Variants in ADGRL2 observed in about 807,000 individuals in gnomAD.
The protein encoded by ADGRL2 is adhesion G protein-coupled receptor L2.
In ADGRL2, 44 loss-of-function variants were observed where a neutral mutation model predicts 157.4. That is an observed-to-expected ratio of 0.28 (90% CI 0.22 to 0.36). The LOEUF is 0.36. ADGRL2 is among the 10% of genes least tolerant of loss of function. The probability of loss-of-function intolerance (pLI) is 1.00; values close to 1 mark genes in which losing one functional copy is unlikely to be tolerated. For missense variants in ADGRL2, 1,510 were observed against 1,768.9 expected, an observed-to-expected ratio of 0.85 and a Z score of 2.63; for synonymous variants, 585 against 624.7, an observed-to-expected ratio of 0.94 and a Z score of 0.95.
intron 1 of ADGRL2, among the ~76,000 whole-genome samples, chr1:81,433,168 AT>A (rs1382954807): frequency 4.6e-5 from 7 of 152,118 alleles, no homozygotes; most frequent in Non-Finnish European, 8.8e-5. Flanking sequence ...TGTTACAATT[AT>A]TTGCTCTTAA....
At chr1:81,836,746 G>A (rs1232448175) in intron 1 of ADGRL2, 139 bp from the exon 2 acceptor site, 6 of 388,830 alleles carry the variant, frequency 1.5e-5, no homozygotes, top group Non-Finnish European at 2.3e-5. Flanking sequence ...GATATCCAGT[G>A]TATAGGAGCA....
chr1:81,891,440 C>T (rs2094261613), intron 2 of ADGRL2, among the ~76,000 whole-genome samples: 1 of 152,064 alleles, frequency 6.6e-6, no homozygotes, highest in Non-Finnish European at 1.5e-5. Context: ...TGTACCGCCT[C>T]ATAATTTCAG....
At chr1:81,404,135 A>G (rs2076812573) in intron 1 of ADGRL2, among the ~76,000 whole-genome samples, 1 of 152,244 alleles carries the variant, frequency 6.6e-6, no homozygotes, top group African/African-American at 2.4e-5. Flanking sequence ...ACAGTTTCTT[A>G]CTTGGTAGTT....
chr1:81,517,575 T>A (rs1330093385), intron 2 of ADGRL2, among the ~76,000 whole-genome samples: 3 of 151,672 alleles, frequency 2.0e-5, no homozygotes, highest in Non-Finnish European at 2.9e-5. Context: ...TTTTGTCCAC[T>A]GCTTTAGCCC....
intron 1 of ADGRL2, among the ~76,000 whole-genome samples, chr1:81,725,583 CT>C (rs1433851217): frequency 2.6e-5 from 4 of 151,840 alleles, no homozygotes; most frequent in African/African-American, 9.7e-5. Flanking sequence ...TGCATTTGAG[CT>C]TGTGTGTTAT....
intron 19 of ADGRL2, 176 bp from the exon 20 acceptor site, chr1:81,984,407 A>T (rs1388730504): frequency 3.6e-6 from 2 of 556,198 alleles, no homozygotes; most frequent in Non-Finnish European, 6.2e-6. Context: ...TACTTTTCTG[A>T]TTACTATTTC....
intron 4 of ADGRL2, among the ~76,000 whole-genome samples, chr1:81,938,842 T>C (rs1235300932): frequency 1.3e-5 from 2 of 151,620 alleles, no homozygotes; most frequent in African/African-American, 4.8e-5. Flanking sequence ...TTTCCTCACC[T>C]TTTGTTTCTT....
At chr1:81,504,554 G>A (rs2078927557) in intron 2 of ADGRL2, among the ~76,000 whole-genome samples, 2 of 151,890 alleles carry the variant, frequency 1.3e-5, no homozygotes, top group Non-Finnish European at 2.9e-5. Flanking sequence ...CACCCCCAAA[G>A]CCAAGCAAGT....
Position 81,596,722 on chromosome 1 carries a change from G to A in ADGRL2, c.-143+15742G>A, listed in dbSNP as rs535318697. Among the ~76,000 whole-genome samples, 410 of 151,824 alleles carry A rather than the reference G, an allele frequency of 2.7e-3. 3 individuals are homozygous for A. Among genetic ancestry groups the A allele is most frequent in the Middle Eastern group, 0.01 (3 of 294 alleles). On this transcript the variant is annotated intron_variant, in intron 3 of 24. Transcript: ENST00000370721. ...GTTTTCTGAGTGAGGTGATTAAAAT[G>A]TATCAAGCAACAGAAACTTTTGGCA... is the stretch of plus-strand genomic sequence containing the variant.
At chr1:81,743,093 A>T (rs950989232) in intron 1 of ADGRL2, among the ~76,000 whole-genome samples, 2 of 152,058 alleles carry the variant, frequency 1.3e-5, no homozygotes, top group Non-Finnish European at 2.9e-5. Flanking sequence ...AAAACTGAAC[A>T]AATGAGTTTA....
chr1:81,571,741 G>C (rs1033581838), intron 2 of ADGRL2, among the ~76,000 whole-genome samples: 3 of 151,960 alleles, frequency 2.0e-5, no homozygotes, highest in Admixed American at 6.6e-5. Context: ...ATTAAGGGTG[G>C]ATAAAATTTT....
chr1:81,306,876 A>AT (rs1443016667), intron 1 of ADGRL2, among the ~76,000 whole-genome samples: 2 of 94,320 alleles, frequency 2.1e-5, no homozygotes, highest in Non-Finnish European at 4.8e-5. Flanking sequence ...AACCGTAACA[A>AT]ATTTTTTTTT....
intron 1 of ADGRL2, among the ~76,000 whole-genome samples, chr1:81,718,119 A>T (rs1489916500): frequency 6.6e-6 from 1 of 152,120 alleles, no homozygotes; most frequent in Non-Finnish European, 1.5e-5. Flanking sequence ...TCTCGGGTTC[A>T]AGTGATTCTC....
At chr1:81,770,850 T>G (rs1324547831) in intron 2 of ADGRL2, among the ~76,000 whole-genome samples, 2 of 152,200 alleles carry the variant, frequency 1.3e-5, no homozygotes, top group African/African-American at 4.8e-5. Context: ...TTACAAAATA[T>G]TTTTAAATTA....
At chr1:81,946,075 A>G (rs115052264) in intron 6 of ADGRL2, among the ~76,000 whole-genome samples, 1,611 of 152,258 alleles carry the variant, frequency 0.011, 26 homozygotes, top group African/African-American at 0.036. Context: ...AATCAGAGAA[A>G]TGAGGTCTTT....
At chr1:81,984,538 A>C (rs1256707251) in intron 19 of ADGRL2, 45 bp from the exon 20 acceptor site, 1 of 1,443,852 alleles carries the variant, frequency 6.9e-7, no homozygotes. Context: ...AGAGAGAAGC[A>C]AGTGTGTTAT....
chr1:81,569,906 C>T (rs1048770931), intron 2 of ADGRL2, among the ~76,000 whole-genome samples: 2 of 152,138 alleles, frequency 1.3e-5, no homozygotes, highest in Non-Finnish European at 2.9e-5. Flanking sequence ...TGAAGGTATG[C>T]TTCTAAGATG....
At chr1:81,335,550 AT>A in intron 1 of ADGRL2, among the ~76,000 whole-genome samples, 1 of 152,358 alleles carries the variant, frequency 6.6e-6, no homozygotes, top group East Asian at 1.9e-4. Context: ...TAAAATATGC[AT>A]TCACAAAAGA....
chr1:81,532,659 A>G (rs2079630230), intron 2 of ADGRL2, among the ~76,000 whole-genome samples: 1 of 151,796 alleles, frequency 6.6e-6, no homozygotes, highest in African/African-American at 2.4e-5. Flanking sequence ...TCATGTCTGT[A>G]ATCCCAGCAC....
Sources: gnomAD v4.1 joint callset for allele counts (sites outside exome capture counted in the v4.1 genomes callset) on GRCh38, gnomAD v4.1.1 for gene constraint, MANE v1.5 for transcripts, NCBI Gene and HGNC (gene_info 2026-07-23, HGNC 2026-07-21) for gene names.